The following NRP2 variants were observed in gnomAD, a reference collection of about 807,000 sequenced individuals.
NRP2 encodes the protein neuropilin-2.
Under a neutral mutation model 110.4 loss-of-function variants are expected in NRP2, and 52 were observed. That is an observed-to-expected ratio of 0.47 (90% CI 0.38 to 0.59). The LOEUF (loss-of-function observed/expected upper bound fraction) is 0.59. Among genes scored for constraint, NRP2 ranks in the 20% least tolerant of loss-of-function variants. NRP2 has a pLI of 0.00. For missense variants in NRP2, 1,049 were observed against 1,203.0 expected, an observed-to-expected ratio of 0.87 and a Z score of 1.89; for synonymous variants, 508 against 468.9, an observed-to-expected ratio of 1.08 and a Z score of -1.08.
intron 15 of NRP2, among the ~76,000 whole-genome samples, chr2:205,787,181 G>T (rs549646372): frequency 3.9e-5 from 6 of 152,230 alleles, no homozygotes; most frequent in African/African-American, 1.4e-4. Context: ...ACTGGTCAAG[G>T]CTCTGACACC....
At position 205,725,253 on chromosome 2, in the gene NRP2, A is replaced by T. The variant is rs2105819376; in HGVS notation, c.821-660A>T. Among the ~76,000 whole-genome samples, 1 of 152,330 alleles carries T rather than the reference A, an allele frequency of 6.6e-6. No individual in the cohort carries two copies. Among genetic ancestry groups the T allele is most frequent in the African/African-American group, 2.4e-5 (1 of 41,574 alleles). ...AGGATTGCTGGCCGATCTTAGACAC[A>T]TGCACACACACATATCGATCAGTGT... On this transcript the variant is annotated intron_variant, in intron 5 of 16. Coordinates refer to ENST00000357785, the MANE Select transcript of NRP2 (RefSeq NM_003872.3). The surrounding 1 kb of genome is among the most constrained non-coding windows in gnomAD (Gnocchi z 4.1).
intron 13 of NRP2, among the ~76,000 whole-genome samples, chr2:205,764,939 G>C (rs2057889565): frequency 6.6e-6 from 1 of 152,154 alleles, no homozygotes. Flanking sequence ...GGGCATAGTA[G>C]GTGCTCAGTA....
intron 1 of NRP2, among the ~76,000 whole-genome samples, chr2:205,685,359 G>T (rs1428601835): frequency 6.6e-6 from 1 of 152,224 alleles, no homozygotes; most frequent in Admixed American, 6.5e-5. Flanking sequence ...TTCAGGCGGA[G>T]CAAAGCACTG....
At chr2:205,697,186 G>A (rs997155408) in intron 1 of NRP2, among the ~76,000 whole-genome samples, 2 of 152,060 alleles carry the variant, frequency 1.3e-5, no homozygotes, top group African/African-American at 2.4e-5. Flanking sequence ...ATGAGGAGAG[G>A]AAGATGGGCC....
At chr2:205,730,611 C>T (rs962427100) in intron 7 of NRP2, among the ~76,000 whole-genome samples, 31 of 151,998 alleles carry the variant, frequency 2.0e-4, no homozygotes, top group African/African-American at 7.3e-5. Flanking sequence ...AATGCCTTCC[C>T]GGTGTGCAGG....
chr2:205,685,667 G>C (rs2056135075), intron 1 of NRP2: 1 of 152,608 alleles, frequency 6.6e-6, no homozygotes, highest in African/African-American at 2.4e-5. Context: ...CCGCAGTGCA[G>C]CCGCTAGCCT....
chr2:205,777,817 T>C (rs976643335), intron 15 of NRP2: 1 of 152,332 alleles, frequency 6.6e-6, no homozygotes, highest in Non-Finnish European at 1.5e-5. Context: ...GTAATCACTT[T>C]TTAAGTGTAC....
chr2:205,794,949 G>T lies in NRP2; in HGVS notation c.2672G>T (p.Gly891Val). ...CTCTACTGCACCTGTTCCTACTCGGGCCTGAGCTCCCGAAGCTGCACCACA... is the reference window on the plus strand; with the variant it reads ...CTCTACTGCACCTGTTCCTACTCGGTCCTGAGCTCCCGAAGCTGCACCACA... ...LLLYCTCSYS[G>V]LSSRSCTTLE... is the part of the protein sequence containing the mutation. Residue 891 changes from glycine to valine, a missense_variant, in exon 17 of 17, where the codon GGC becomes GTC. Gly to Val is a moderately radical substitution (Grantham distance 109). Coordinates refer to ENST00000357785, the MANE Select transcript of NRP2 (RefSeq NM_003872.3). 6.2e-7 allele frequency: 1 copy of T among 1,614,104 alleles called. No homozygotes were observed. Among genetic ancestry groups the T allele is most frequent in the Non-Finnish European group, 8.5e-7 (1 of 1,180,030 alleles).
chr2:205,753,967 G>GT (rs1273894888), intron 12 of NRP2, among the ~76,000 whole-genome samples: 1 of 152,088 alleles, frequency 6.6e-6, no homozygotes, highest in South Asian at 2.1e-4. Flanking sequence ...TGTTACCTTT[G>GT]TTTTTTAATA....
At chr2:205,711,430 G>A (rs2105780255) in intron 2 of NRP2, among the ~76,000 whole-genome samples, 1 of 152,262 alleles carries the variant, frequency 6.6e-6, no homozygotes, top group Middle Eastern at 3.4e-3. Flanking sequence ...GAAATAGGGT[G>A]GTGACAGCAG....
In NRP2 at chr2:205,745,764, C is replaced by A. The variant is rs1344527699; in HGVS notation, c.1660C>A (p.His554Asn). The A allele has an allele frequency of 6.2e-7, 1 of 1,614,188 alleles. No homozygotes were observed. Among genetic ancestry groups the A allele is most frequent in the Non-Finnish European group, 8.5e-7 (1 of 1,180,020 alleles). ...CCTGCAGCTGTTCGAAGGGAACATGCACTATGACACCCCTGACATCCGAAG... is the reference window on the plus strand; with the variant it reads ...CCTGCAGCTGTTCGAAGGGAACATGAACTATGACACCCCTGACATCCGAAG... ...QQPKLFEGNM[H>N]YDTPDIRRFD... The change falls in exon 10 of 17, where the codon CAC becomes AAC. Residue 554 changes from histidine (H) to asparagine (N), a missense_variant. His to Asn is a moderately conservative substitution (Grantham distance 68). Coordinates refer to ENST00000357785, the MANE Select transcript of NRP2 (RefSeq NM_003872.3).
chr2:205,743,056 G>A, intron 8 of NRP2, 147 bp from the exon 9 acceptor site: 1 of 1,498,240 alleles, frequency 6.7e-7, no homozygotes, highest in African/African-American at 1.4e-5. Context: ...CTTAACCACA[G>A]TGCTGTACAC....
intron 10 of NRP2, among the ~76,000 whole-genome samples, chr2:205,749,497 G>C (rs1298592301): frequency 6.6e-6 from 1 of 152,112 alleles, no homozygotes; most frequent in Non-Finnish European, 1.5e-5. Context: ...AAAGAATGTG[G>C]GTTTGTGTCC....
At chr2:205,713,745 C>T (rs1173473110) in intron 2 of NRP2, among the ~76,000 whole-genome samples, 1 of 152,110 alleles carries the variant, frequency 6.6e-6, no homozygotes, top group South Asian at 2.1e-4. Context: ...ATGGATTCAC[C>T]CTCCCTCTAC....
At chr2:205,703,902 G>T (rs76215559) in intron 2 of NRP2, among the ~76,000 whole-genome samples, 1 of 152,110 alleles carries the variant, frequency 6.6e-6, no homozygotes, top group African/African-American at 2.4e-5. Flanking sequence ...CCCTTTTCCC[G>T]GTGAAGAGGT....
At chr2:205,706,888 C>T (rs866484092) in intron 2 of NRP2, among the ~76,000 whole-genome samples, 20 of 152,280 alleles carry the variant, frequency 1.3e-4, no homozygotes, top group South Asian at 6.2e-4. Context: ...CTCCACTGGT[C>T]GCTACAATAT....
chr2:205,754,531 A>G (rs1292940560), intron 12 of NRP2, among the ~76,000 whole-genome samples: 1 of 152,222 alleles, frequency 6.6e-6, no homozygotes, highest in Non-Finnish European at 1.5e-5. Context: ...ACCCCAGTCC[A>G]GCCTTAATCA....
intron 15 of NRP2, chr2:205,776,375 T>C: frequency 6.2e-7 from 1 of 1,613,324 alleles, no homozygotes. Context: ...GCGCTGGCCC[T>C]GGTGCTCCAC....
At chr2:205,739,471 G>T (rs1279498489) in intron 7 of NRP2, among the ~76,000 whole-genome samples, 1 of 152,132 alleles carries the variant, frequency 6.6e-6, no homozygotes, top group Non-Finnish European at 1.5e-5. Flanking sequence ...CACTTGGCAT[G>T]GTCTGAATAT....
Sources: allele counts gnomAD v4.1 joint callset (sites outside exome capture counted in the v4.1 genomes callset), GRCh38; gene constraint gnomAD v4.1.1; non-coding constraint Gnocchi (gnomAD v3.1); transcripts MANE v1.5; gene names NCBI Gene and HGNC (gene_info 2026-07-23, HGNC 2026-07-21).